The following NUP98 variants were observed in gnomAD, a reference collection of about 807,000 sequenced individuals.
NUP98 encodes nuclear pore complex protein Nup98-Nup96.
NUP98 carries 26 observed loss-of-function variants against 191.9 expected under a neutral mutation model. The ratio of observed to expected loss-of-function variants is 0.14; its 90% confidence interval spans 0.10 to 0.19. The LOEUF (loss-of-function observed/expected upper bound fraction) is 0.19, where lower values mean the gene tolerates loss of function less well. Among genes scored for constraint, NUP98 ranks in the 10% least tolerant of loss-of-function variants. NUP98 has a pLI of 1.00. For missense variants in NUP98, 1,941 were observed against 2,178.8 expected (o/e 0.89, Z 2.17); for synonymous variants, 808 against 778.4 (o/e 1.04, Z -0.63).
chr11:3,766,041 C>T (rs963700884), intron 8 of NUP98, among the ~76,000 whole-genome samples: 1 of 152,082 alleles, frequency 6.6e-6, no homozygotes, highest in African/African-American at 2.4e-5. Context: ...TCTCCTTGTG[C>T]CAGTAACACA....
At chr11:3,676,690 T>G in intron 31 of NUP98, 70 bp from the exon 32 acceptor site, 4 of 1,192,728 alleles carry the variant, frequency 3.4e-6, no homozygotes, top group Non-Finnish European at 5.0e-6. Context: ...CTATAGACTC[T>G]ACACAAAACC....
At chr11:3,699,913 C>G (rs556891800) in intron 24 of NUP98, among the ~76,000 whole-genome samples, 2 of 152,076 alleles carry the variant, frequency 1.3e-5, no homozygotes, top group East Asian at 3.9e-4. Flanking sequence ...ATTAGATAAC[C>G]CCTTTATCAA....
intron 8 of NUP98, 128 bp from the exon 9 acceptor site, chr11:3,763,167 T>C (rs994881710): frequency 1.3e-5 from 11 of 822,860 alleles, no homozygotes; most frequent in East Asian, 8.1e-5. Context: ...ATAACTTATA[T>C]AGATTATTTC....
intron 29 of NUP98, among the ~76,000 whole-genome samples, chr11:3,683,700 C>T (rs2078047706): frequency 2.8e-5 from 2 of 72,274 alleles, no homozygotes; most frequent in Middle Eastern, 8.6e-3. Flanking sequence ...CACCACACCC[C>T]GCTAATTTTG....
intron 12 of NUP98, among the ~76,000 whole-genome samples, chr11:3,742,167 T>C (rs1421224000): frequency 1.3e-5 from 2 of 152,160 alleles, no homozygotes; most frequent in African/African-American, 2.4e-5. Flanking sequence ...TGAAATGTTC[T>C]GATACCATCC....
At position 3,694,461 on chromosome 11, in the gene NUP98, C is replaced by T. The variant is rs181933710; in HGVS notation, c.4167+988G>A. Among the ~76,000 whole-genome samples the T allele has an allele frequency of 3.3e-4, 50 of 151,306 alleles. No individual in the cohort carries two copies. In the East Asian group the frequency reaches 7.0e-3, roughly 21 times the overall value. Reference sequence around the variant, plus strand: ...TTAAAAAAAAAAAAGCTGCAGGGGGCCGGGCGCGGTGGCTCACGCTTGTAA... The same window carrying T: ...TTAAAAAAAAAAAAGCTGCAGGGGGTCGGGCGCGGTGGCTCACGCTTGTAA... On this transcript the variant is annotated intron_variant, in intron 26 of 32. Coordinates refer to ENST00000324932, the MANE Select transcript of NUP98 (RefSeq NM_016320.5).
chr11:3,749,238 G>A (rs542442500), intron 11 of NUP98, among the ~76,000 whole-genome samples: 115 of 152,066 alleles, frequency 7.6e-4, no homozygotes, highest in Non-Finnish European at 1.3e-3. Context: ...AACCCGGGAA[G>A]CGGAGCTTGC....
chr11:3,707,203 A>G (rs1479726472), intron 20 of NUP98, among the ~76,000 whole-genome samples: 1 of 152,188 alleles, frequency 6.6e-6, no homozygotes, highest in Non-Finnish European at 1.5e-5. Context: ...ACTCTTCCAA[A>G]AAACAAAGTA....
intron 10 of NUP98, among the ~76,000 whole-genome samples, chr11:3,759,707 T>A (rs2081100052): frequency 6.6e-6 from 1 of 152,206 alleles, no homozygotes; most frequent in Non-Finnish European, 1.5e-5. Flanking sequence ...ATCTTTTCTG[T>A]ATTTTCCAGA....
At chr11:3,746,262 T>A (rs554383912) in intron 11 of NUP98, among the ~76,000 whole-genome samples, 3 of 52,276 alleles carry the variant, frequency 5.7e-5, no homozygotes, top group African/African-American at 1.1e-4. Flanking sequence ...AGAGCAAAAC[T>A]TTATCTCAAA....
intron 1 of NUP98, among the ~76,000 whole-genome samples, chr11:3,786,890 A>G (rs969468920): frequency 2.6e-5 from 4 of 152,210 alleles, no homozygotes; most frequent in Non-Finnish European, 5.9e-5. Context: ...CTAACTCCAG[A>G]CGTAAATGGG....
intron 9 of NUP98, among the ~76,000 whole-genome samples, chr11:3,761,741 C>A (rs577837597): frequency 1.3e-5 from 2 of 151,802 alleles, no homozygotes; most frequent in East Asian, 1.9e-4. Flanking sequence ...GCCTGGGCAA[C>A]AGGCGAGACT....
At chr11:3,763,120 C>T (rs1589909522) in intron 8 of NUP98, 81 bp from the exon 9 acceptor site, 1 of 1,370,240 alleles carries the variant, frequency 7.3e-7, no homozygotes, top group East Asian at 2.3e-5. Context: ...AAAAAAGTTA[C>T]CATTTTTTCA....
chr11:3,738,800 G>GA (rs1265520837), intron 12 of NUP98, among the ~76,000 whole-genome samples: 6 of 137,102 alleles, frequency 4.4e-5, no homozygotes, highest in Non-Finnish European at 9.5e-5. Flanking sequence ...AAAAAAAAAG[G>GA]AAAGAAAGAA....
chr11:3,773,158 T>C (rs980399052), intron 6 of NUP98, among the ~76,000 whole-genome samples: 5 of 152,116 alleles, frequency 3.3e-5, no homozygotes, highest in South Asian at 2.1e-4. Context: ...TCCCAGCACA[T>C]TGGGAGGCTG....
chr11:3,746,269 C>CAAAAAAAAAAAAAAAAAAA (rs66773761), intron 11 of NUP98, among the ~76,000 whole-genome samples: 1 of 33,926 alleles, frequency 2.9e-5, no homozygotes, highest in African/African-American at 1.1e-4. Context: ...AACTTTATCT[C>CAAAAAAAAAAAAAAAAAAA]AAAAAAAAAA....
At position 3,721,809 on chromosome 11, in the gene NUP98, G is replaced by A. The variant is rs1056671238; in HGVS notation, c.2147-984C>T. 2.0e-5 allele frequency among the ~76,000 whole-genome samples: 3 copies of A among 152,058 alleles called. No homozygotes were observed. In the East Asian group the frequency reaches 5.8e-4, roughly 29 times the overall value. On this transcript the variant is annotated intron_variant, in intron 16 of 32. Coordinates refer to ENST00000324932, the MANE Select transcript of NUP98 (RefSeq NM_016320.5). ...AGCGCTGAAAAACTCAAGGAAAGTA[G>A]TGGAACGCTGGTGTGCTTGCTTGCT... is the stretch of plus-strand genomic sequence containing the variant.
chr11:3,728,180 T>C (rs1293251434), intron 14 of NUP98, among the ~76,000 whole-genome samples: 1 of 152,200 alleles, frequency 6.6e-6, no homozygotes, highest in African/African-American at 2.4e-5. Flanking sequence ...ATGCCTATCG[T>C]GTCCTAACAG....
intron 15 of NUP98, among the ~76,000 whole-genome samples, chr11:3,723,789 A>G (rs1333819641): frequency 6.6e-6 from 1 of 151,512 alleles, no homozygotes; most frequent in African/African-American, 2.4e-5. Context: ...TCCAAAAGAA[A>G]AAAAAAACAG....
Sources: gnomAD v4.1 joint callset for allele counts (sites outside exome capture counted in the v4.1 genomes callset) on GRCh38, gnomAD v4.1.1 for gene constraint, MANE v1.5 for transcripts, NCBI Gene and HGNC (gene_info 2026-07-23, HGNC 2026-07-21) for gene names.